SPOCK1: variants seen among roughly 807,000 people sequenced by gnomAD.
SPOCK1 encodes the protein testican-1.
SPOCK1 carries 23 observed loss-of-function variants against 55.3 expected under a neutral mutation model. That is an observed-to-expected ratio of 0.42 (90% CI 0.30 to 0.59). The LOEUF (loss-of-function observed/expected upper bound fraction) is 0.59. SPOCK1 is among the 20% of genes least tolerant of loss of function. SPOCK1 has a pLI of 0.22. For missense variants in SPOCK1, 499 were observed against 552.5 expected (o/e 0.90, Z 0.97); for synonymous variants, 226 against 221.0 (o/e 1.02, Z -0.20).
chr5:137,320,735 C>T (rs557312617), intron 2 of SPOCK1, among the ~76,000 whole-genome samples: 9 of 152,292 alleles, frequency 5.9e-5, no homozygotes, highest in Non-Finnish European at 7.3e-5. Flanking sequence ...GGTTAAGAGA[C>T]GCTTGGAATC....
intron 2 of SPOCK1, among the ~76,000 whole-genome samples, chr5:137,331,386 C>T (rs1447900753): frequency 6.6e-6 from 1 of 152,172 alleles, no homozygotes; most frequent in African/African-American, 2.4e-5. Flanking sequence ...GGGCATGCAG[C>T]ACCACAATCA....
intron 2 of SPOCK1, among the ~76,000 whole-genome samples, chr5:137,300,059 G>T (rs1421302647): frequency 6.6e-6 from 1 of 152,002 alleles, no homozygotes; most frequent in East Asian, 1.9e-4. Context: ...ATATTGTCCT[G>T]GAGGACCCTG....
chr5:137,232,367 T>C (rs13165604), intron 3 of SPOCK1, among the ~76,000 whole-genome samples: 6 of 152,340 alleles, frequency 3.9e-5, no homozygotes, highest in South Asian at 2.1e-4. Flanking sequence ...TTTCTGTCTA[T>C]GGATGAGGCT....
chr5:137,281,637 G>A (rs921157814), intron 2 of SPOCK1, among the ~76,000 whole-genome samples: 4 of 152,316 alleles, frequency 2.6e-5, no homozygotes, highest in Non-Finnish European at 2.9e-5. Context: ...CCCACAAGGC[G>A]GTGACAGCTC....
In SPOCK1 at chr5:137,156,058, G is replaced by A. The variant is rs142114749; in HGVS notation, c.233-15364C>T. On this transcript the variant is annotated intron_variant, in intron 3 of 10. Transcript: ENST00000394945. ...TCAGGCAGTAGCATTAAGGGATGGA[G>A]TAAGACAAAACCACATAGCATCACC... Among the ~76,000 whole-genome samples, 1,134 of 152,308 alleles carry A rather than the reference G, an allele frequency of 7.4e-3. 13 individuals are homozygous for A. The highest frequency in any genetic ancestry group is 0.017 in the Middle Eastern group (5 of 294).
intron 2 of SPOCK1, among the ~76,000 whole-genome samples, chr5:137,308,607 C>T (rs537797798): frequency 1.3e-5 from 2 of 152,354 alleles, no homozygotes; most frequent in East Asian, 3.9e-4. Context: ...ATCATCACTG[C>T]CTCCTCCCGT....
At chr5:136,986,821 C>T (rs1445010016) in intron 8 of SPOCK1, among the ~76,000 whole-genome samples, 1 of 152,032 alleles carries the variant, frequency 6.6e-6, no homozygotes, top group Admixed American at 6.6e-5. Context: ...CAAAATGATT[C>T]CATATTATAC....
chr5:137,179,530 G>T (rs1193094535), intron 3 of SPOCK1, among the ~76,000 whole-genome samples: 1 of 152,074 alleles, frequency 6.6e-6, no homozygotes. Flanking sequence ...CTTAGGGGAG[G>T]GGGTCCCATC....
Position 137,067,822 on chromosome 5 carries a change from A to C in SPOCK1, c.482T>G (p.Leu161Trp), listed in dbSNP as rs1241506084. ...DGHSYTSKCK[L>W]EFHACSTGKS... ...GCCAGTAGAACAAGCATGGAACTCC[A>C]ATTTGCACTGCAAAAGAGAGACACA... The change falls in exon 6 of 11, where the codon TTG becomes TGG. Residue 161 changes from leucine to tryptophan, a missense_variant. By Grantham distance (61) the Leu-to-Trp change is moderately conservative. Coordinates refer to ENST00000394945, the MANE Select transcript of SPOCK1 (RefSeq NM_004598.4). 1 of 1,613,886 alleles carries C rather than the reference A, an allele frequency of 6.2e-7. No homozygotes were observed. The highest frequency in any genetic ancestry group is 8.5e-7 in the Non-Finnish European group (1 of 1,179,814).
At chr5:137,137,378 T>C (rs1379413130) in intron 4 of SPOCK1, among the ~76,000 whole-genome samples, 3 of 152,178 alleles carry the variant, frequency 2.0e-5, no homozygotes, top group Admixed American at 1.3e-4. Context: ...TGGAGTATAA[T>C]GTGGAAGGAC....
In SPOCK1 at chr5:137,009,985, T is replaced by A. The variant is rs190285029; in HGVS notation, c.590-17385A>T. Among the ~76,000 whole-genome samples, 3 of 152,260 alleles carry A rather than the reference T, an allele frequency of 2.0e-5. No individual in the cohort carries two copies. In the East Asian group the frequency reaches 5.8e-4, roughly 29 times the overall value. On this transcript the variant is annotated intron_variant, in intron 6 of 10. Coordinates refer to ENST00000394945, the MANE Select transcript of SPOCK1 (RefSeq NM_004598.4). ...TCTCAGAATCCTCCTTCCTGAAGAA[T>A]CAAGGTTTGCTTCAAATATGTGTTC...
intron 2 of SPOCK1, among the ~76,000 whole-genome samples, chr5:137,404,237 C>T (rs1432344976): frequency 6.6e-6 from 1 of 152,126 alleles, no homozygotes; most frequent in Non-Finnish European, 1.5e-5. Flanking sequence ...ACACCAGCCC[C>T]GTCAGAAGGG....
At chr5:137,008,493 A>T (rs1268537318) in intron 6 of SPOCK1, among the ~76,000 whole-genome samples, 1 of 152,174 alleles carries the variant, frequency 6.6e-6, no homozygotes, top group Non-Finnish European at 1.5e-5. Context: ...TTTACATCAA[A>T]CTGTGCTATC....
intron 3 of SPOCK1, among the ~76,000 whole-genome samples, chr5:137,228,299 A>C (rs1755984686): frequency 6.6e-6 from 1 of 152,258 alleles, no homozygotes; most frequent in Non-Finnish European, 1.5e-5. Flanking sequence ...CACAGAAGTG[A>C]ATCACAAAAC....
chr5:137,223,332 T>C (rs1755891639), intron 3 of SPOCK1, among the ~76,000 whole-genome samples: 1 of 150,842 alleles, frequency 6.6e-6, no homozygotes, highest in Non-Finnish European at 1.5e-5. Flanking sequence ...GTAAAAAGCA[T>C]GACAATGAAA....
intron 6 of SPOCK1, among the ~76,000 whole-genome samples, chr5:137,033,533 A>C (rs1751824403): frequency 6.6e-6 from 1 of 152,026 alleles, no homozygotes; most frequent in Admixed American, 6.6e-5. Context: ...CTTGCACGCT[A>C]TCTGAAAGCC....
chr5:137,296,839 T>G (rs1042286513), intron 2 of SPOCK1, among the ~76,000 whole-genome samples: 1 of 152,138 alleles, frequency 6.6e-6, no homozygotes, highest in Middle Eastern at 3.2e-3. Context: ...ATGTATGGAA[T>G]AGCAGAGACC....
At chr5:137,025,956 C>T (rs566719056) in intron 6 of SPOCK1, among the ~76,000 whole-genome samples, 3 of 152,208 alleles carry the variant, frequency 2.0e-5, no homozygotes, top group East Asian at 1.9e-4. Flanking sequence ...GAATACATTG[C>T]GAAGGAAAAT....
chr5:137,449,135 T>A (rs1753195947), intron 2 of SPOCK1, among the ~76,000 whole-genome samples: 1 of 152,202 alleles, frequency 6.6e-6, no homozygotes, highest in African/African-American at 2.4e-5. Flanking sequence ...CCAGGTGCCC[T>A]GGCACTCTTT....
Sources: allele counts gnomAD v4.1 joint callset (sites outside exome capture counted in the v4.1 genomes callset), GRCh38; gene constraint gnomAD v4.1.1; transcripts MANE v1.5; gene names NCBI Gene and HGNC (gene_info 2026-07-23, HGNC 2026-07-21).